SPAG17: variants seen among roughly 807,000 people sequenced by gnomAD.
SPAG17 encodes sperm associated antigen 17.
Under a neutral mutation model 273.6 loss-of-function variants are expected in SPAG17, and 169 were observed. The observed-to-expected ratio is 0.62, with a 90% CI of 0.55 to 0.70. The LOEUF (loss-of-function observed/expected upper bound fraction) is 0.70. Among genes scored for constraint, SPAG17 ranks in the 30% least tolerant of loss-of-function variants. The pLI is 0.00. For missense variants in SPAG17, 2,557 were observed against 2,627.8 expected (o/e 0.97, Z 0.59); for synonymous variants, 825 against 873.2 (o/e 0.94, Z 0.97).
In SPAG17 at chr1:118,036,865, T is replaced by C. The variant is rs200342841; in HGVS notation, c.3338A>G (p.Asn1113Ser). 1.9e-4 allele frequency: 301 copies of C among 1,556,498 alleles called. No homozygotes were observed. The highest frequency in any genetic ancestry group is 2.2e-4 in the Non-Finnish European group (251 of 1,148,610). Residue 1113 changes from asparagine to serine, a missense_variant, in exon 24 of 49, where the codon AAT (asparagine) becomes AGT (serine). Coordinates refer to ENST00000336338, the MANE Select transcript of SPAG17 (RefSeq NM_206996.4). ...AGATCCAAACTTGCTGAAAGCTTTA[T>C]TCTTTGCATCTGATACTTCTAAAAT... ...SLETEVSDAK[N>S]KAFSKFGSFS... is the part of the protein sequence containing the mutation.
intron 46 of SPAG17, among the ~76,000 whole-genome samples, chr1:117,967,815 C>G (rs1039690918): frequency 6.6e-6 from 1 of 152,016 alleles, no homozygotes; most frequent in Non-Finnish European, 1.5e-5. Flanking sequence ...AGTTGCCTCT[C>G]CAGGAGGTGG....
intron 15 of SPAG17, 24 bp from the exon 16 acceptor site, chr1:118,074,624 C>A: frequency 6.2e-7 from 1 of 1,607,158 alleles, no homozygotes; most frequent in Non-Finnish European, 8.5e-7. Flanking sequence ...ACACCAACAT[C>A]CAGTTGTGTT....
At position 117,992,531 on chromosome 1, in the gene SPAG17, G is replaced by A. The variant is rs565817505; in HGVS notation, c.5296C>T (p.Arg1766Cys). ...ILKSPSVLQM[R>C]QFIQHEVIKN... ...ATGACCTCATGCTGAATGAATTGGC[G>A]CATCTGTAGCACACTGGGGCTCTTG... Residue 1766 changes from arginine (R) to cysteine (C), a missense_variant, in exon 36 of 49, where the codon CGC becomes TGC. Transcript: ENST00000336338. 1.1e-5 allele frequency: 17 copies of A among 1,613,554 alleles called. No homozygotes were observed. The highest frequency in any genetic ancestry group is 6.6e-5 in the South Asian group (6 of 91,032).
Position 118,087,011 on chromosome 1 carries a change from G to C in SPAG17, c.1360-3C>G. 1 of 1,557,756 alleles carries C rather than the reference G, an allele frequency of 6.4e-7. No homozygotes were observed. Among genetic ancestry groups the C allele is most frequent in the Non-Finnish European group, 8.6e-7 (1 of 1,156,118 alleles). On this transcript the variant is annotated splice_region_variant and splice_polypyrimidine_tract_variant and intron_variant, in intron 10 of 48. Coordinates refer to ENST00000336338, the MANE Select transcript of SPAG17 (RefSeq NM_206996.4). The stretch of plus-strand genomic sequence containing the variant: ...AGATCTTCTTCAGTTGCAACAACCT[G>C]TTGAAATCAACAATGAGAGGAATTG...
rs549705384 is a variant in SPAG17 at position 118,016,324 on chromosome 1, T to C, written c.4070-142A>G. ...TCTAAGTGGTATTCATCAATTATATTATTTCTCAATAGGGAAAAGTATCAG... is the reference window on the plus strand; with the variant it reads ...TCTAAGTGGTATTCATCAATTATATCATTTCTCAATAGGGAAAAGTATCAG... On this transcript the variant is annotated intron_variant, in intron 28 of 48. Coordinates refer to ENST00000336338, the MANE Select transcript of SPAG17 (RefSeq NM_206996.4). 1.9e-3 allele frequency: 1,288 copies of C among 668,286 alleles called. 3 individuals are homozygous for C. The highest frequency in any genetic ancestry group is 3.0e-3 in the Non-Finnish European group (1,165 of 393,146). The allele number at this position is 668,286 out of a possible 1,614,324, so 41.4% of individuals were successfully genotyped here.
intron 48 of SPAG17, chr1:117,959,735 G>C: frequency 4.4e-6 from 1 of 225,408 alleles, no homozygotes; most frequent in Non-Finnish European, 8.5e-6. Flanking sequence ...TTCTAGCAGG[G>C]AATAAATAAT....
At chr1:118,081,077 A>G (rs761022017) in intron 15 of SPAG17, 24 bp downstream of exon 15, 13 of 1,538,538 alleles carry the variant, frequency 8.4e-6, no homozygotes, top group Non-Finnish European at 9.9e-6. Flanking sequence ...ACACACACAC[A>G]CACACACACA....
At chr1:118,024,192 T>A (rs1000317068) in intron 27 of SPAG17, among the ~76,000 whole-genome samples, 52 of 152,076 alleles carry the variant, frequency 3.4e-4, no homozygotes, top group Non-Finnish European at 5.9e-4. Context: ...ACTTCTTATG[T>A]TATGTCTTTG....
chr1:117,994,754 C>G (rs1657472932), intron 34 of SPAG17, among the ~76,000 whole-genome samples: 1 of 152,230 alleles, frequency 6.6e-6, no homozygotes, highest in South Asian at 2.1e-4. Context: ...TGGAAGTATT[C>G]ATTGACACCT....
intron 3 of SPAG17, among the ~76,000 whole-genome samples, chr1:118,142,219 C>A (rs2102324693): frequency 6.6e-6 from 1 of 152,270 alleles, no homozygotes; most frequent in Admixed American, 6.5e-5. Flanking sequence ...CCAAACCAGG[C>A]ACAACAAGAC....
At chr1:118,122,577 C>A (rs939355086) in intron 3 of SPAG17, among the ~76,000 whole-genome samples, 1 of 152,054 alleles carries the variant, frequency 6.6e-6, no homozygotes, top group African/African-American at 2.4e-5. Context: ...GGATATTTAG[C>A]GAATCCCTGT....
chr1:118,049,731 A>G (rs1650781779), intron 20 of SPAG17, among the ~76,000 whole-genome samples: 1 of 152,192 alleles, frequency 6.6e-6, no homozygotes, highest in South Asian at 2.1e-4. Flanking sequence ...TCTTGAGGAA[A>G]AATAAAAAAA....
chr1:117,994,996 A>G (rs948670802), intron 34 of SPAG17, among the ~76,000 whole-genome samples: 1 of 152,072 alleles, frequency 6.6e-6, no homozygotes, highest in African/African-American at 2.4e-5. Context: ...TTGCCTTCAC[A>G]TCGCTCATGA....
At chr1:118,174,276 A>G (rs537859813) in intron 1 of SPAG17, among the ~76,000 whole-genome samples, 2 of 152,306 alleles carry the variant, frequency 1.3e-5, no homozygotes, top group African/African-American at 4.8e-5. Context: ...AACAAAAAGA[A>G]ATTATTAAAA....
chr1:118,051,766 T>C (rs2101980821), intron 20 of SPAG17, among the ~76,000 whole-genome samples: 1 of 144,402 alleles, frequency 6.9e-6, no homozygotes, highest in East Asian at 2.0e-4. Flanking sequence ...TATAATATAA[T>C]ATAACATAAT....
At chr1:118,054,971 A>G (rs958000103) in intron 19 of SPAG17, among the ~76,000 whole-genome samples, 3 of 152,156 alleles carry the variant, frequency 2.0e-5, no homozygotes, top group African/African-American at 7.2e-5. Context: ...TTTGGCTATA[A>G]TAAATGAATA....
chr1:118,092,274 A>G (rs1655426869), intron 8 of SPAG17, among the ~76,000 whole-genome samples: 2 of 152,258 alleles, frequency 1.3e-5, no homozygotes, highest in African/African-American at 4.8e-5. Context: ...TGAGCATCAA[A>G]CAGGTTTTTC....
intron 37 of SPAG17, 33 bp from the exon 38 acceptor site, chr1:117,990,939 A>G (rs1449386198): frequency 1.5e-6 from 2 of 1,315,518 alleles, no homozygotes; most frequent in African/African-American, 3.0e-5. Context: ...TATGATGATT[A>G]TATTACTTAC....
chr1:118,163,625 G>C (rs1013309293), intron 1 of SPAG17, among the ~76,000 whole-genome samples: 2 of 147,452 alleles, frequency 1.4e-5, no homozygotes, highest in Non-Finnish European at 3.0e-5. Context: ...GCCTCGCCTT[G>C]TTTTCAATCC....
Sources: allele counts gnomAD v4.1 joint callset (sites outside exome capture counted in the v4.1 genomes callset), GRCh38; gene constraint gnomAD v4.1.1; transcripts MANE v1.5; gene names NCBI Gene and HGNC (gene_info 2026-07-23, HGNC 2026-07-21).